Variants in ZNF138 observed in about 807,000 individuals in gnomAD.
ZNF138 encodes the protein zinc finger protein 138 (clone pHZ-32).
A neutral mutation model predicts 33.0 loss-of-function variants in ZNF138; 33 were observed. The ratio of observed to expected loss-of-function variants is 1.00; its 90% CI spans 0.76 to 1.34. The LOEUF is 1.34. Among genes scored for constraint, ZNF138 ranks in the 40% most tolerant of loss-of-function variants. The pLI, the probability that ZNF138 is intolerant of heterozygous loss-of-function variation, is 0.00. For missense variants in ZNF138, 360 were observed against 370.8 expected (o/e 0.97, Z 0.24); for synonymous variants, 139 against 120.4 (o/e 1.15, Z -1.01).
chr7:64,803,819 C>G (rs1053397740), intron 1 of ZNF138, among the ~76,000 whole-genome samples: 3 of 152,114 alleles, frequency 2.0e-5, no homozygotes, highest in Non-Finnish European at 4.4e-5. Context: ...AAAAAAGTTA[C>G]TATCAAATTA....
chr7:64,838,278 A>G (rs1790420359), downstream of ZNF138, among the ~76,000 whole-genome samples: 1 of 152,170 alleles, frequency 6.6e-6, no homozygotes, highest in African/African-American at 2.4e-5. Context: ...CCAGTGCCCC[A>G]TTTGTTGGCA....
At chr7:64,813,591 G>A (rs981833581) in intron 1 of ZNF138, among the ~76,000 whole-genome samples, 18 of 152,108 alleles carry the variant, frequency 1.2e-4, no homozygotes, top group African/African-American at 2.4e-4. Flanking sequence ...CCGCCACCAC[G>A]CCCGGCTAAT....
intron 1 of ZNF138, among the ~76,000 whole-genome samples, chr7:64,810,019 G>A (rs1215508325): frequency 2.0e-4 from 20 of 102,102 alleles, no homozygotes; most frequent in African/African-American, 7.3e-4. Context: ...GATGATGGGC[G>A]GCCAGGCAGA....
intron 1 of ZNF138, among the ~76,000 whole-genome samples, chr7:64,802,188 G>A (rs1029569165): frequency 7.9e-5 from 12 of 151,884 alleles, no homozygotes; most frequent in Non-Finnish European, 1.6e-4. Context: ...CACATTTTCC[G>A]GTTGACAGTT....
the ZNF138 span, among the ~76,000 whole-genome samples, chr7:64,843,671 T>A: frequency 6.9e-6 from 1 of 145,060 alleles, no homozygotes; most frequent in African/African-American, 2.5e-5. Context: ...TATTAACCCC[T>A]TGTCACATGA....
Position 64,794,469 on chromosome 7 carries a change from C to G in ZNF138, c.-100C>G. On this transcript the variant is annotated 5_prime_UTR_variant, in exon 1 of 4. Coordinates refer to ENST00000307355, the MANE Select transcript of ZNF138 (RefSeq NM_001271639.2). ...TGCTGCAGGTCTGGCCTTCACTTTTCTGCGTCCTCTTACTCCTAGAGGCCC... is the reference window on the plus strand; with the variant it reads ...TGCTGCAGGTCTGGCCTTCACTTTTGTGCGTCCTCTTACTCCTAGAGGCCC... The G allele has an allele frequency of 1.3e-6, 2 of 1,573,698 alleles. No individual in the cohort carries two copies. Among genetic ancestry groups the G allele is most frequent in the South Asian group, 1.1e-5 (1 of 90,448 alleles).
At chr7:64,806,577 A>AAAAC (rs113007738) in intron 1 of ZNF138, among the ~76,000 whole-genome samples, 149,322 of 151,982 alleles carry the variant, frequency 0.98, 73,411 homozygotes, top group East Asian at 1. Context: ...AGATTTGGGG[A>AAAAC]AAACAAACAA....
chr7:64,800,097 C>A (rs1055085204), intron 1 of ZNF138, among the ~76,000 whole-genome samples: 1 of 152,324 alleles, frequency 6.6e-6, no homozygotes, highest in African/African-American at 2.4e-5. Flanking sequence ...AAGAGAAGAA[C>A]TTTTCTGTGG....
chr7:64,859,008 A>G, the ZNF138 span, among the ~76,000 whole-genome samples: 1 of 151,814 alleles, frequency 6.6e-6, no homozygotes, highest in Non-Finnish European at 1.5e-5. Context: ...GTTCACTGCC[A>G]CCTCCACCTC....
chr7:64,840,362 GCTT>G, the ZNF138 span, among the ~76,000 whole-genome samples: 1 of 151,898 alleles, frequency 6.6e-6, no homozygotes, highest in Non-Finnish European at 1.5e-5. Context: ...TTTGCCAGTG[GCTT>G]CAAACTGCAA....
chr7:64,834,585 C>T (rs1333910675), downstream of ZNF138, among the ~76,000 whole-genome samples: 2 of 152,228 alleles, frequency 1.3e-5, no homozygotes, highest in South Asian at 4.1e-4. Context: ...CTCTTCATTC[C>T]TATTGCATTC....
intron 3 of ZNF138, among the ~76,000 whole-genome samples, chr7:64,826,901 C>T (rs1562920709): frequency 6.6e-6 from 1 of 152,056 alleles, no homozygotes; most frequent in African/African-American, 2.4e-5. Context: ...CCACCTGCCT[C>T]GGCCTCCCAA....
At chr7:64,816,142 C>G (rs1021449577) in intron 3 of ZNF138, among the ~76,000 whole-genome samples, 5 of 152,086 alleles carry the variant, frequency 3.3e-5, no homozygotes, top group African/African-American at 1.2e-4. Flanking sequence ...TGATGTCCCT[C>G]TACTTTGTTC....
chr7:64,800,046 T>C (rs887166597), intron 1 of ZNF138, among the ~76,000 whole-genome samples: 3 of 152,162 alleles, frequency 2.0e-5, no homozygotes, highest in African/African-American at 7.2e-5. Context: ...GAAATTTTGC[T>C]TCACTTCTTC....
the ZNF138 span, among the ~76,000 whole-genome samples, chr7:64,855,409 T>C: frequency 4.1e-4 from 61 of 149,256 alleles, 5 homozygotes; most frequent in African/African-American, 1.5e-3. Flanking sequence ...CATACATGAA[T>C]GAGATAAAGT....
intron 1 of ZNF138, among the ~76,000 whole-genome samples, chr7:64,803,258 G>GTTTTTTTTTTT (rs60101981): frequency 8.8e-6 from 1 of 113,062 alleles, no homozygotes; most frequent in Non-Finnish European, 1.8e-5. Context: ...TTTGGCAAAG[G>GTTTTTTTTTTT]TTTTTTTTTT....
chr7:64,848,583 T>G, the ZNF138 span, among the ~76,000 whole-genome samples: 1 of 152,030 alleles, frequency 6.6e-6, no homozygotes, highest in Non-Finnish European at 1.5e-5. Flanking sequence ...TAAGTTGGAC[T>G]TCACCTTTCT....
chr7:64,811,320 C>T (rs1296172588), intron 1 of ZNF138, among the ~76,000 whole-genome samples: 1 of 152,156 alleles, frequency 6.6e-6, no homozygotes, highest in East Asian at 1.9e-4. Context: ...ATAATCATTG[C>T]ATTAGTACAT....
chr7:64,835,081 G>A (rs182896685), downstream of ZNF138, among the ~76,000 whole-genome samples: 256 of 152,282 alleles, frequency 1.7e-3, no homozygotes, highest in African/African-American at 5.8e-3. Context: ...GGGTAGGGGC[G>A]GGGTCGGTTG....
Sources: gnomAD v4.1 joint callset for allele counts (sites outside exome capture counted in the v4.1 genomes callset) on GRCh38, gnomAD v4.1.1 for gene constraint, MANE v1.5 for transcripts, NCBI Gene and HGNC (gene_info 2026-07-23, HGNC 2026-07-21) for gene names.